Variants in GPC3 observed in about 807,000 individuals in gnomAD.
GPC3 encodes glypican 3.
Under a neutral mutation model 34.4 loss-of-function variants are expected in GPC3, and 3 were observed. The observed-to-expected ratio is 0.09, with a 90% confidence interval of 0.04 to 0.23. GPC3 has a LOEUF of 0.23. GPC3 is among the 10% of genes least tolerant of loss of function. The pLI is 1.00. For missense variants in GPC3, 351 were observed against 445.6 expected (o/e 0.79, Z 1.91); for synonymous variants, 177 against 174.0 (o/e 1.02, Z -0.13).
rs924718333 is a variant in GPC3 at position 133,671,014 on chromosome X, A to G, written c.1293-9164T>C. ...ATCCAAACTACAAAGTTCATGACCA[A>G]CCGACTACTTCAGGGGAAACAAATG... On this transcript the variant is annotated intron_variant, in intron 5 of 7. Transcript: ENST00000370818. The G allele has an allele frequency of 1.8e-5, 10 of 541,337 alleles. No individual in the cohort carries two copies. The African/African-American group carries it at 2.3e-4, about 12-fold the overall frequency. 44.6% of individuals were successfully genotyped at this position (541,337 alleles called of 1,213,427 possible).
At chrX:133,639,097 C>G (rs1040369706) in intron 6 of GPC3, among the ~76,000 whole-genome samples, 2 of 111,793 alleles carry the variant, frequency 1.8e-5, no homozygotes, top group Non-Finnish European at 3.8e-5. Context: ...TCAACATTCT[C>G]TAAATATGCC....
chrX:133,860,944 A>AG (rs1556333352), intron 2 of GPC3, among the ~76,000 whole-genome samples: 1 of 110,830 alleles, frequency 9.0e-6, no homozygotes, highest in East Asian at 2.9e-4. Flanking sequence ...TCTACAAAAA[A>AG]TAGAAAAATT....
intron 2 of GPC3, among the ~76,000 whole-genome samples, chrX:133,859,265 G>A (rs1323919435): frequency 1.8e-5 from 2 of 110,590 alleles, no homozygotes; most frequent in Non-Finnish European, 3.8e-5. Context: ...CTCTATTCAA[G>A]GCTCCATTTC....
At chrX:133,767,970 G>T (rs1372870501) in intron 2 of GPC3, among the ~76,000 whole-genome samples, 1 of 109,543 alleles carries the variant, frequency 9.1e-6, no homozygotes, top group African/African-American at 3.3e-5. Context: ...GGGGTGGGGG[G>T]GTAAATCTCC....
chrX:133,772,079 C>T (rs1006784099), intron 2 of GPC3, among the ~76,000 whole-genome samples: 7 of 111,346 alleles, frequency 6.3e-5, no homozygotes, highest in African/African-American at 2.3e-4. Flanking sequence ...TTTTCAGTCT[C>T]CTTTCCACAT....
rs190488457 is a variant in GPC3, at chrX:133,857,799, C to T, written c.337+95251G>A. Among the ~76,000 whole-genome samples the T allele has an allele frequency of 5.1e-3, 571 of 112,157 alleles. 3 individuals carry two copies. The highest frequency in any genetic ancestry group is 6.9e-3 in the Non-Finnish European group (369 of 53,232). The stretch of plus-strand genomic sequence containing the variant: ...CACAGGACAGCTGAGGAGCACACAC[C>T]CCAAGCCAGCAAATAACCTTTTACT... On this transcript the variant is annotated intron_variant, in intron 2 of 7. Coordinates refer to ENST00000370818, the MANE Select transcript of GPC3 (RefSeq NM_004484.4).
At chrX:133,789,386 A>T (rs2072138662) in intron 2 of GPC3, among the ~76,000 whole-genome samples, 1 of 112,130 alleles carries the variant, frequency 8.9e-6, no homozygotes, top group African/African-American at 3.2e-5. Context: ...ATGCCTTCAG[A>T]CAGAACTGGA....
At chrX:133,547,672 A>C (rs1159284430) in intron 7 of GPC3, among the ~76,000 whole-genome samples, 1 of 110,273 alleles carries the variant, frequency 9.1e-6, no homozygotes, top group East Asian at 2.8e-4. Context: ...TATTATCATC[A>C]TCATCATCAT....
chrX:133,625,103 T>C (rs145174223), intron 6 of GPC3, among the ~76,000 whole-genome samples: 1,503 of 111,627 alleles, frequency 0.013, 33 homozygotes, highest in African/African-American at 0.045. Flanking sequence ...AGGCCTTTGA[T>C]AAAATTCAAC....
intron 2 of GPC3, among the ~76,000 whole-genome samples, chrX:133,778,479 C>T (rs1474342940): frequency 1.8e-5 from 2 of 111,712 alleles, no homozygotes; most frequent in Non-Finnish European, 3.8e-5. Flanking sequence ...TAGTAATGGA[C>T]CCACTGAGCA....
intron 6 of GPC3, among the ~76,000 whole-genome samples, chrX:133,619,491 A>T (rs1342248853): frequency 3.6e-5 from 4 of 112,279 alleles, no homozygotes; most frequent in Non-Finnish European, 7.5e-5. Flanking sequence ...ACAATGAAAT[A>T]CTATTCAGCC....
chrX:133,716,591 C>T (rs1410080349), intron 3 of GPC3, among the ~76,000 whole-genome samples: 1 of 111,730 alleles, frequency 9.0e-6, no homozygotes, highest in East Asian at 2.8e-4. Flanking sequence ...AAACAATAAT[C>T]ACATTTGAAG....
chrX:133,866,276 C>T (rs1021903047), intron 2 of GPC3, among the ~76,000 whole-genome samples: 3 of 111,730 alleles, frequency 2.7e-5, no homozygotes, highest in African/African-American at 9.8e-5. Context: ...CATTAGGTTG[C>T]TATTTATTTA....
chrX:133,855,628 A>C (rs1031870303), intron 2 of GPC3, among the ~76,000 whole-genome samples: 5 of 108,131 alleles, frequency 4.6e-5, no homozygotes, highest in African/African-American at 1.7e-4. Flanking sequence ...AGGCAAGAAT[A>C]GATATAATCT....
At chrX:133,542,269 C>G (rs2069347642) in intron 7 of GPC3, among the ~76,000 whole-genome samples, 2 of 111,995 alleles carry the variant, frequency 1.8e-5, no homozygotes, top group Non-Finnish European at 3.8e-5. Flanking sequence ...TCTGGCATAA[C>G]AACTTCCATT....
intron 2 of GPC3, among the ~76,000 whole-genome samples, chrX:133,916,959 T>A (rs1047979263): frequency 3.6e-5 from 4 of 111,384 alleles, no homozygotes; most frequent in African/African-American, 9.8e-5. Context: ...AAGTCCTGAA[T>A]TGGAAACTAA....
chrX:133,822,238 C>G (rs757069328), intron 2 of GPC3, among the ~76,000 whole-genome samples: 2 of 112,076 alleles, frequency 1.8e-5, no homozygotes, highest in South Asian at 7.5e-4. Context: ...CCGTTAATCA[C>G]TTAGTCTCTC....
At chrX:133,827,069 GTCACTGAATTGT>G (rs1261687726) in intron 2 of GPC3, among the ~76,000 whole-genome samples, 2 of 111,962 alleles carry the variant, frequency 1.8e-5, no homozygotes, top group African/African-American at 6.5e-5. Flanking sequence ...TGAACTAAAT[GTCACTGAATTGT>G]TCACTTTAAA....
At chrX:133,818,620 A>G (rs1603253546) in intron 2 of GPC3, among the ~76,000 whole-genome samples, 2 of 111,828 alleles carry the variant, frequency 1.8e-5, no homozygotes, top group South Asian at 7.5e-4. Flanking sequence ...GAAAAGTGCA[A>G]TAGATTGGTT....
Sources: allele counts gnomAD v4.1 joint callset (sites outside exome capture counted in the v4.1 genomes callset), GRCh38; gene constraint gnomAD v4.1.1; transcripts MANE v1.5; gene names NCBI Gene and HGNC (gene_info 2026-07-23, HGNC 2026-07-21).